WDR20: variants seen among roughly 807,000 people sequenced by gnomAD.
The protein encoded by WDR20 is WD repeat-containing protein 20.
Under a neutral mutation model 38.7 loss-of-function variants are expected in WDR20, and 3 were observed. The ratio of observed to expected loss-of-function variants is 0.08; its 90% CI spans 0.04 to 0.20. The LOEUF (loss-of-function observed/expected upper bound fraction) is 0.20. Ranked by LOEUF, WDR20 falls within the 10% of genes least tolerant of loss-of-function variation. The pLI is 1.00. For missense variants in WDR20, 559 were observed against 727.7 expected (o/e 0.77, Z 2.67); for synonymous variants, 298 against 285.6 (o/e 1.04, Z -0.44).
intron 1 of WDR20, chr14:102,179,102 CAT>C (rs2062807508): frequency 6.6e-6 from 1 of 152,070 alleles, no homozygotes; most frequent in African/African-American, 2.4e-5. Context: ...GTGTGGCTGT[CAT>C]GTGGTTTTAT....
chr14:102,224,553 A>G (rs541558066), downstream of WDR20: 160 of 455,970 alleles, frequency 3.5e-4, no homozygotes, highest in Non-Finnish European at 5.8e-4. Context: ...TCTGAAACCT[A>G]TTTCTCTAAT....
At chr14:102,218,961 C>T (rs2063561407), downstream of WDR20, among the ~76,000 whole-genome samples, 1 of 152,226 alleles carries the variant, frequency 6.6e-6, no homozygotes, top group Admixed American at 6.5e-5. Context: ...TGCCCCTTTT[C>T]TCCCATGAAA....
chr14:102,186,708 T>C (rs1161336675), intron 1 of WDR20, among the ~76,000 whole-genome samples: 1 of 151,770 alleles, frequency 6.6e-6, no homozygotes, highest in Non-Finnish European at 1.5e-5. Context: ...TCCCAGCACT[T>C]TGGGAGGCCG....
At chr14:102,155,072 T>A (rs1327836115) in intron 1 of WDR20, among the ~76,000 whole-genome samples, 2 of 152,186 alleles carry the variant, frequency 1.3e-5, no homozygotes, top group African/African-American at 4.8e-5. Flanking sequence ...TTTTAGAGGT[T>A]GAGATTGCTC....
chr14:102,219,062 C>G (rs546976539), downstream of WDR20, among the ~76,000 whole-genome samples: 1 of 152,206 alleles, frequency 6.6e-6, no homozygotes, highest in Admixed American at 6.5e-5. Flanking sequence ...GAGTTTGACA[C>G]GGATGACCAT....
intron 1 of WDR20, 27 bp from the exon 2 acceptor site, chr14:102,194,911 G>A (rs187897515): frequency 6.2e-7 from 1 of 1,609,174 alleles, no homozygotes; most frequent in Non-Finnish European, 8.5e-7. Context: ...GCTGTTTACT[G>A]TATGTATTTT....
intron 2 of WDR20, among the ~76,000 whole-genome samples, chr14:102,197,265 G>A (rs1338064244): frequency 6.6e-6 from 1 of 152,192 alleles, no homozygotes; most frequent in Admixed American, 6.5e-5. Flanking sequence ...ACCATGCATG[G>A]TTGCCAGATG....
chr14:102,164,413 A>G (rs2059372552), intron 1 of WDR20, among the ~76,000 whole-genome samples: 1 of 152,076 alleles, frequency 6.6e-6, no homozygotes, highest in Non-Finnish European at 1.5e-5. Flanking sequence ...AATCTCCTCT[A>G]GTCCACCTCT....
chr14:102,178,871 C>T (rs1366024272), intron 1 of WDR20: 1 of 152,030 alleles, frequency 6.6e-6, no homozygotes, highest in African/African-American at 2.4e-5. Flanking sequence ...TATGATCTCA[C>T]AGATACTTTG....
At chr14:102,156,284 C>T (rs1486691327) in intron 1 of WDR20, among the ~76,000 whole-genome samples, 1 of 151,674 alleles carries the variant, frequency 6.6e-6, no homozygotes, top group Non-Finnish European at 1.5e-5. Context: ...TCTCCTGCCT[C>T]AGCCTCCCGA....
At chr14:102,190,498 C>T (rs1169484103) in intron 1 of WDR20, among the ~76,000 whole-genome samples, 2 of 151,938 alleles carry the variant, frequency 1.3e-5, no homozygotes, top group Non-Finnish European at 2.9e-5. Context: ...GAGGCCACGG[C>T]AAGAGAAACA....
chr14:102,203,346 T>TA (rs2060858719), intron 2 of WDR20, among the ~76,000 whole-genome samples: 1 of 152,378 alleles, frequency 6.6e-6, no homozygotes, highest in African/African-American at 2.4e-5. Context: ...ATAACCAGTG[T>TA]AAAAACTATA....
intron 1 of WDR20, among the ~76,000 whole-genome samples, chr14:102,173,791 T>A (rs1012787850): frequency 6.6e-6 from 1 of 152,066 alleles, no homozygotes; most frequent in African/African-American, 2.4e-5. Flanking sequence ...ACGCCTGTAA[T>A]CCCAGCACTT....
At position 102,208,024 on chromosome 14, in the gene WDR20, T is replaced by C. The variant is rs182512057; in HGVS notation, c.433-579T>C. Among the ~76,000 whole-genome samples the C allele has an allele frequency of 3.7e-4, 57 of 152,308 alleles. No individual in the cohort carries two copies. The highest frequency in any genetic ancestry group is 1.3e-3 in the African/African-American group (55 of 41,568). On this transcript the variant is annotated intron_variant, in intron 2 of 2. Transcript: ENST00000342702. This position sits in a 1 kb window ranked among gnomAD's most constrained non-coding sequence, Gnocchi z 5.6. ...AGGCGGCCTCAGTGGGCCCAGGCTC[T>C]GTTTTGGAGTTGTGTGTGCTGCCAG...
chr14:102,222,936 C>T lies in WDR20; in HGVS notation c.*53C>T, dbSNP rs113637000. 1,030 of 1,607,140 alleles carry T rather than the reference C, an allele frequency of 6.4e-4. 4 individuals carry two copies. The African/African-American group carries it at 0.011, about 17-fold the overall frequency. ...CCGGGACTTGGACTCGAGGGAGTGA[C>T]GAGGAGGAGCTCCGAGCTGCGCCTG... On this transcript the variant is annotated 3_prime_UTR_variant, in exon 4 of 4. Coordinates refer to the WDR20 transcript ENST00000335263. The surrounding 1 kb of genome is among the most constrained non-coding windows in gnomAD (Gnocchi z 4.4).
chr14:102,210,613 C>G, downstream of WDR20: 1 of 893,154 alleles, frequency 1.1e-6, no homozygotes, highest in South Asian at 5.2e-5. Flanking sequence ...GAACTGCGGG[C>G]CGAGGACGCC....
downstream of WDR20, chr14:102,214,145 G>A (rs762548323): frequency 1.0e-5 from 10 of 985,518 alleles, no homozygotes; most frequent in African/African-American, 3.5e-5. Flanking sequence ...CTCCACATGC[G>A]TGGGTAGGGG....
chr14:102,224,565 C>A (rs561422767), downstream of WDR20: 3 of 456,032 alleles, frequency 6.6e-6, no homozygotes, highest in Middle Eastern at 3.3e-4. Flanking sequence ...TTCTCTAATT[C>A]ATCACATTAA....
intron 1 of WDR20, among the ~76,000 whole-genome samples, chr14:102,145,446 C>A (rs1364645074): frequency 2.0e-5 from 3 of 152,278 alleles, no homozygotes; most frequent in South Asian, 2.1e-4. Flanking sequence ...CCTACAAGAT[C>A]CATGTACAAC....
Sources: allele counts gnomAD v4.1 joint callset (sites outside exome capture counted in the v4.1 genomes callset), GRCh38; gene constraint gnomAD v4.1.1; non-coding constraint Gnocchi (gnomAD v3.1); transcripts MANE v1.5; gene names NCBI Gene and HGNC (gene_info 2026-07-23, HGNC 2026-07-21).